Variants in PCDHA8 observed in about 807,000 individuals in gnomAD.
PCDHA8 encodes protocadherin alpha-8.
PCDHA8 carries 53 observed loss-of-function variants against 61.8 expected under a neutral mutation model. The ratio of observed to expected loss-of-function variants is 0.86; its 90% CI spans 0.69 to 1.08. The LOEUF (loss-of-function observed/expected upper bound fraction) is 1.08, where lower values mean the gene tolerates loss of function less well. PCDHA8 is among the 50% of genes least tolerant of loss of function. The pLI is 0.00. For missense variants in PCDHA8, 1,293 were observed against 1,245.0 expected (o/e 1.04, Z -0.58); for synonymous variants, 618 against 556.6 (o/e 1.11, Z -1.55).
chr5:140,934,941 T>C (rs1397192075), intron 1 of PCDHA8, among the ~76,000 whole-genome samples: 4 of 152,172 alleles, frequency 2.6e-5, no homozygotes, highest in African/African-American at 9.6e-5. Context: ...AAAACTAGTA[T>C]AGAGAGATCC....
At chr5:140,877,571 T>C in intron 1 of PCDHA8, 1 of 1,613,760 alleles carries the variant, frequency 6.2e-7, no homozygotes, top group African/African-American at 1.3e-5. Context: ...AACGTGTACC[T>C]CATCATCGCC....
intron 1 of PCDHA8, among the ~76,000 whole-genome samples, chr5:140,951,950 G>A (rs1408300368): frequency 6.6e-6 from 1 of 152,120 alleles, no homozygotes; most frequent in Non-Finnish European, 1.5e-5. Flanking sequence ...GCGGGTACAG[G>A]CATTGGGTAA....
At chr5:140,850,470 C>T (rs2041624410) in intron 1 of PCDHA8, 2 of 1,597,978 alleles carry the variant, frequency 1.3e-6, no homozygotes, top group East Asian at 4.5e-5. Context: ...GGAGCCAGCG[C>T]TGACGGCCAC....
In PCDHA8 at chr5:140,853,829, C is replaced by T. The variant is rs782020407; in HGVS notation, c.2394+10114C>T. 4.9e-5 allele frequency: 48 copies of T among 986,432 alleles called. 3 individuals carry two copies. Among genetic ancestry groups the T allele is most frequent in the Non-Finnish European group, 5.4e-5 (44 of 818,590 alleles). The allele number at this position is 986,432 out of a possible 1,614,324, so 61.1% of individuals were successfully genotyped here. A position where few individuals can be genotyped will look rare whatever the true frequency, so the allele number is the denominator to read the frequency against. ...ACACCTGAGATGATTCTCATACAACCGAAATTTTAGATCCATAGCCCTATT... is the reference window on the plus strand; with the variant it reads ...ACACCTGAGATGATTCTCATACAACTGAAATTTTAGATCCATAGCCCTATT... On this transcript the variant is annotated intron_variant, in intron 1 of 3. Coordinates refer to ENST00000531613, the MANE Select transcript of PCDHA8 (RefSeq NM_018911.3).
At chr5:140,997,456 C>T (rs2097770717) in intron 3 of PCDHA8, among the ~76,000 whole-genome samples, 1 of 152,146 alleles carries the variant, frequency 6.6e-6, no homozygotes, top group African/African-American at 2.4e-5. Context: ...ATACTGAATA[C>T]TGTAGGCAAT....
At chr5:140,941,209 T>TCC (rs59604197) in intron 1 of PCDHA8, among the ~76,000 whole-genome samples, 12 of 126,888 alleles carry the variant, frequency 9.5e-5, no homozygotes, top group Admixed American at 4.0e-4. Flanking sequence ...CTTCCTTTCT[T>TCC]TCTTCCTTTC....
chr5:141,005,164 G>A (rs782398186), intron 3 of PCDHA8, among the ~76,000 whole-genome samples: 2 of 152,178 alleles, frequency 1.3e-5, no homozygotes, highest in Non-Finnish European at 2.9e-5. Context: ...TAAAGAGTGG[G>A]TACCACTTTC....
intron 1 of PCDHA8, among the ~76,000 whole-genome samples, chr5:140,962,075 C>T (rs999623991): frequency 6.6e-6 from 1 of 151,836 alleles, no homozygotes; most frequent in South Asian, 2.1e-4. Context: ...TTAGTAGAGA[C>T]GGGGTTTCAC....
At chr5:140,994,811 A>G (rs1283053490) in intron 3 of PCDHA8, among the ~76,000 whole-genome samples, 1 of 152,194 alleles carries the variant, frequency 6.6e-6, no homozygotes, top group Non-Finnish European at 1.5e-5. Context: ...ACAAAATACA[A>G]AAAACTGAAT....
chr5:140,859,090 A>G (rs2045720842), intron 1 of PCDHA8: 1 of 150,172 alleles, frequency 6.7e-6, no homozygotes, highest in African/African-American at 2.4e-5. Context: ...GTCAGTGTGT[A>G]TTATTCACTT....
intron 1 of PCDHA8, chr5:140,876,942 G>C (rs370156477): frequency 6.2e-7 from 1 of 1,613,660 alleles, no homozygotes; most frequent in South Asian, 1.1e-5. Flanking sequence ...ACGCGCTGGT[G>C]TCCTACTCGC....
Position 140,967,929 on chromosome 5 carries a change from G to A in PCDHA8, c.2395-11020G>A, listed in dbSNP as rs1554230126. 5 of 1,614,096 alleles carry A rather than the reference G, an allele frequency of 3.1e-6. No homozygotes were observed. The South Asian group carries it at 4.4e-5, about 14-fold the overall frequency. ...CCCAACACCATTGTGGCCGTTCTCAGTGTCAATGACCAAGACTCAGGCCCC... is the reference window on the plus strand; with the variant it reads ...CCCAACACCATTGTGGCCGTTCTCAATGTCAATGACCAAGACTCAGGCCCC... On this transcript the variant is annotated intron_variant, in intron 1 of 3. Coordinates refer to ENST00000531613, the MANE Select transcript of PCDHA8 (RefSeq NM_018911.3).
intron 1 of PCDHA8, among the ~76,000 whole-genome samples, chr5:140,911,222 T>G (rs2075377398): frequency 6.6e-6 from 1 of 152,204 alleles, no homozygotes; most frequent in African/African-American, 2.4e-5. Flanking sequence ...ATGAGAAAGC[T>G]GTTTCTTCTG....
At chr5:141,004,698 T>C (rs2098177351) in intron 3 of PCDHA8, among the ~76,000 whole-genome samples, 1 of 152,222 alleles carries the variant, frequency 6.6e-6, no homozygotes, top group East Asian at 1.9e-4. Context: ...AACCCAGTTT[T>C]AGGTGCCGAA....
At chr5:140,900,807 A>T (rs868976984) in intron 1 of PCDHA8, among the ~76,000 whole-genome samples, 1 of 152,176 alleles carries the variant, frequency 6.6e-6, no homozygotes, top group African/African-American at 2.4e-5. Context: ...TAGTGCTTGT[A>T]CTAATTTACA....
chr5:140,857,909 T>C (rs1554150840), intron 1 of PCDHA8: 1 of 1,597,744 alleles, frequency 6.3e-7, no homozygotes, highest in Non-Finnish European at 8.6e-7. Flanking sequence ...ACGCATCCCG[T>C]TTCGCGTGGG....
chr5:140,846,229 T>C (rs1166020827), intron 1 of PCDHA8, among the ~76,000 whole-genome samples: 1 of 149,582 alleles, frequency 6.7e-6, no homozygotes, highest in Non-Finnish European at 1.5e-5. Context: ...GTATTTTTCT[T>C]AAAAAGAAGT....
intron 3 of PCDHA8, among the ~76,000 whole-genome samples, chr5:140,993,224 G>A (rs547665525): frequency 6.6e-6 from 1 of 152,210 alleles, no homozygotes; most frequent in East Asian, 1.9e-4. Context: ...TTTTTGGTAT[G>A]TTCTCTCTGA....
At chr5:140,881,425 G>A (rs2058709101) in intron 1 of PCDHA8, 2 of 901,294 alleles carry the variant, frequency 2.2e-6, no homozygotes, top group Non-Finnish European at 1.3e-6. Flanking sequence ...TTAGTTCCAG[G>A]CATATTTTAT....
Sources: allele counts gnomAD v4.1 joint callset (sites outside exome capture counted in the v4.1 genomes callset), GRCh38; gene constraint gnomAD v4.1.1; transcripts MANE v1.5; gene names NCBI Gene and HGNC (gene_info 2026-07-23, HGNC 2026-07-21).